SOX5: variants seen among roughly 807,000 people sequenced by gnomAD.
SOX5 encodes transcription factor SOX-5.
Under a neutral mutation model 92.0 loss-of-function variants are expected in SOX5, and 9 were observed. That is an observed-to-expected ratio of 0.10 (90% CI 0.06 to 0.17). The LOEUF (loss-of-function observed/expected upper bound fraction) is 0.17. Ranked by LOEUF, SOX5 falls within the 10% of genes least tolerant of loss-of-function variation. The probability of loss-of-function intolerance (pLI) is 1.00; values close to 1 mark genes in which losing one functional copy is unlikely to be tolerated. For missense variants in SOX5, 642 were observed against 944.5 expected, an observed-to-expected ratio of 0.68 and a Z score of 4.20; for synonymous variants, 344 against 336.3, an observed-to-expected ratio of 1.02 and a Z score of -0.25.
chr12:24,476,236 A>C (rs1371789216), intron 1 of SOX5, among the ~76,000 whole-genome samples: 1 of 152,228 alleles, frequency 6.6e-6, no homozygotes, highest in Non-Finnish European at 1.5e-5. Context: ...TGAATCTAAC[A>C]GTGAAAAATC....
chr12:24,286,080 T>C (rs1159829288), intron 2 of SOX5, among the ~76,000 whole-genome samples: 1 of 152,154 alleles, frequency 6.6e-6, no homozygotes, highest in African/African-American at 2.4e-5. Flanking sequence ...AGTTTTACTA[T>C]ATAAATAAAA....
At chr12:23,997,502 GC>G (rs1319558676) in intron 4 of SOX5, among the ~76,000 whole-genome samples, 13 of 152,138 alleles carry the variant, frequency 8.5e-5, no homozygotes, top group African/African-American at 3.1e-4. Context: ...GACATAGTGG[GC>G]CTTGATAAAC....
At chr12:23,904,602 TATA>T (rs2097271729) in intron 1 of SOX5, among the ~76,000 whole-genome samples, 1 of 152,216 alleles carries the variant, frequency 6.6e-6, no homozygotes, top group South Asian at 2.1e-4. Flanking sequence ...TGTATTTAAA[TATA>T]ATCTGAGTTT....
At chr12:24,082,393 C>T (rs1337017306) in intron 4 of SOX5, among the ~76,000 whole-genome samples, 1 of 117,668 alleles carries the variant, frequency 8.5e-6, no homozygotes, top group African/African-American at 3.2e-5. Flanking sequence ...CAGGGCTGCT[C>T]CTTTCGAAAA....
chr12:24,048,345 T>TGAATTTCA (rs1957244143), intron 4 of SOX5, among the ~76,000 whole-genome samples: 1 of 152,166 alleles, frequency 6.6e-6, no homozygotes, highest in Non-Finnish European at 1.5e-5. Flanking sequence ...ATTAAAATGA[T>TGAATTTCA]GAATTTCAGA....
intron 4 of SOX5, among the ~76,000 whole-genome samples, chr12:23,746,993 C>T (rs1449042131): frequency 3.3e-5 from 5 of 152,064 alleles, no homozygotes; most frequent in African/African-American, 1.2e-4. Context: ...CTTTCACTTT[C>T]CTCCATGACT....
At chr12:23,817,766 G>C (rs2142616221) in intron 3 of SOX5, among the ~76,000 whole-genome samples, 1 of 152,236 alleles carries the variant, frequency 6.6e-6, no homozygotes, top group Middle Eastern at 3.4e-3. Context: ...TCTACTTACA[G>C]AGCCTCCTGT....
intron 4 of SOX5, among the ~76,000 whole-genome samples, chr12:23,998,668 G>C (rs189574342): frequency 2.0e-5 from 3 of 151,846 alleles, no homozygotes; most frequent in Non-Finnish European, 4.4e-5. Context: ...CGGGCATGGT[G>C]GCTGGGGCTT....
chr12:24,137,630 C>CAAAAA, intron 4 of SOX5, among the ~76,000 whole-genome samples: 1 of 151,774 alleles, frequency 6.6e-6, no homozygotes, highest in South Asian at 2.1e-4. Flanking sequence ...GACTCCGTCT[C>CAAAAA]AAAAAAACAA....
chr12:23,535,381 T>C (rs1940138589), intron 14 of SOX5, among the ~76,000 whole-genome samples: 2 of 152,300 alleles, frequency 1.3e-5, no homozygotes, highest in South Asian at 4.1e-4. Flanking sequence ...GCTTCATGGA[T>C]GTACAAACTG....
At chr12:23,840,533 G>A (rs941008908) in intron 3 of SOX5, among the ~76,000 whole-genome samples, 2 of 152,024 alleles carry the variant, frequency 1.3e-5, no homozygotes, top group African/African-American at 4.8e-5. Context: ...ACACAATGTT[G>A]AAGAAAAAGT....
chr12:24,520,308 T>C (rs1950156082), intron 1 of SOX5, among the ~76,000 whole-genome samples: 1 of 152,066 alleles, frequency 6.6e-6, no homozygotes, highest in African/African-American at 2.4e-5. Context: ...GCACAAATTA[T>C]TTTTAATTAT....
chr12:24,204,731 A>T (rs1472926122), intron 4 of SOX5, among the ~76,000 whole-genome samples: 2 of 152,322 alleles, frequency 1.3e-5, no homozygotes, highest in South Asian at 4.1e-4. Flanking sequence ...TTGTTTAGAC[A>T]TCACCAACTT....
intron 1 of SOX5, among the ~76,000 whole-genome samples, chr12:24,497,680 C>CCAGCA: frequency 6.6e-6 from 1 of 152,120 alleles, no homozygotes; most frequent in Admixed American, 6.6e-5. Flanking sequence ...ACCACTTGAC[C>CCAGCA]CAGCAATCCC....
chr12:24,389,845 G>A (rs534768700), intron 1 of SOX5, among the ~76,000 whole-genome samples: 6 of 152,196 alleles, frequency 3.9e-5, no homozygotes, highest in Non-Finnish European at 8.8e-5. Context: ...CAATGGTGGT[G>A]TATGCAGGTT....
At chr12:23,658,717 C>A (rs973176985) in intron 7 of SOX5, among the ~76,000 whole-genome samples, 1 of 152,040 alleles carries the variant, frequency 6.6e-6, no homozygotes, top group African/African-American at 2.4e-5. Context: ...ATGGTGAAAC[C>A]CCATGTCTGC....
At chr12:23,706,730 C>T (rs1264599781) in intron 6 of SOX5, among the ~76,000 whole-genome samples, 1 of 151,832 alleles carries the variant, frequency 6.6e-6, no homozygotes, top group Non-Finnish European at 1.5e-5. Context: ...GTTAAAAATT[C>T]TCTATTTTAA....
chr12:23,680,151 A>C (rs1046136330), intron 6 of SOX5, among the ~76,000 whole-genome samples: 1 of 151,378 alleles, frequency 6.6e-6, no homozygotes, highest in African/African-American at 2.4e-5. Context: ...CACAGCGACA[A>C]CCTGTCTCTA....
chr12:24,412,129 TCGATA>T (rs1964215188), intron 1 of SOX5, among the ~76,000 whole-genome samples: 1 of 152,188 alleles, frequency 6.6e-6, no homozygotes, highest in South Asian at 2.1e-4. Context: ...CCGTATCGTA[TCGATA>T]CGATCGATAA....
Sources: gnomAD v4.1 joint callset for allele counts (sites outside exome capture counted in the v4.1 genomes callset) on GRCh38, gnomAD v4.1.1 for gene constraint, MANE v1.5 for transcripts, NCBI Gene and HGNC (gene_info 2026-07-23, HGNC 2026-07-21) for gene names.